The following DIAPH2 variants were observed in gnomAD, a reference collection of about 807,000 sequenced individuals.
The protein encoded by DIAPH2 is diaphanous related formin 2.
In DIAPH2, 35 loss-of-function variants were observed where a neutral mutation model predicts 92.7. The observed-to-expected ratio is 0.38, with a 90% CI of 0.29 to 0.50. The LOEUF is 0.50. DIAPH2 is among the 20% of genes least tolerant of loss of function. The probability of loss-of-function intolerance (pLI) is 0.94; values close to 1 mark genes in which losing one functional copy is unlikely to be tolerated. For synonymous variants in DIAPH2, 301 were observed against 280.4 expected (o/e 1.07, Z -0.73); for missense variants, 701 against 819.5 (o/e 0.86, Z 1.77).
intron 26 of DIAPH2, among the ~76,000 whole-genome samples, chrX:97,516,028 C>T (rs1214148255): frequency 9.1e-6 from 1 of 110,209 alleles, no homozygotes; most frequent in African/African-American, 3.3e-5. Flanking sequence ...CGGAGGCGGG[C>T]GGATCATGAG....
chrX:96,830,319 C>T (rs911693897), intron 4 of DIAPH2, among the ~76,000 whole-genome samples: 6 of 110,539 alleles, frequency 5.4e-5, no homozygotes, highest in Non-Finnish European at 1.1e-4. Flanking sequence ...CGCCTGTAAT[C>T]CCAGCACTTT....
chrX:96,960,167 G>A (rs1250007616), intron 16 of DIAPH2, among the ~76,000 whole-genome samples: 3 of 110,762 alleles, frequency 2.7e-5, no homozygotes, highest in African/African-American at 9.8e-5. Flanking sequence ...ATTTTGATAG[G>A]GATTGCATTG....
chrX:97,165,410 A>G (rs2067404203), intron 22 of DIAPH2, among the ~76,000 whole-genome samples: 1 of 112,103 alleles, frequency 8.9e-6, no homozygotes, highest in Non-Finnish European at 1.9e-5. Flanking sequence ...TCACCTGTGA[A>G]TTATACGCTT....
At chrX:97,419,166 C>A (rs1208189559) in intron 25 of DIAPH2, among the ~76,000 whole-genome samples, 1 of 111,482 alleles carries the variant, frequency 9.0e-6, no homozygotes, top group Non-Finnish European at 1.9e-5. Flanking sequence ...CTCAAGAGAT[C>A]CTCCCACTTT....
At chrX:97,325,840 G>A (rs1170059996) in intron 23 of DIAPH2, among the ~76,000 whole-genome samples, 1 of 112,104 alleles carries the variant, frequency 8.9e-6, no homozygotes, top group Non-Finnish European at 1.9e-5. Context: ...GCCTCCCAAA[G>A]TGCTGGGATT....
intron 22 of DIAPH2, among the ~76,000 whole-genome samples, chrX:97,204,351 G>C (rs1303474841): frequency 9.1e-6 from 1 of 110,122 alleles, no homozygotes; most frequent in African/African-American, 3.4e-5. Context: ...AGAAATAAAG[G>C]GTATTCACAT....
At chrX:97,275,367 G>A (rs1228591529) in intron 23 of DIAPH2, among the ~76,000 whole-genome samples, 2 of 104,276 alleles carry the variant, frequency 1.9e-5, no homozygotes, top group Non-Finnish European at 4.0e-5. Context: ...GGCCGGGCGG[G>A]GGCTGCCCCC....
At chrX:97,116,861 C>G (rs948869589) in intron 21 of DIAPH2, among the ~76,000 whole-genome samples, 1 of 110,933 alleles carries the variant, frequency 9.0e-6, no homozygotes, top group Non-Finnish European at 1.9e-5. Flanking sequence ...TTAATCTCAC[C>G]GAAGGATTTT....
At chrX:97,459,456 A>G (rs1250935767) in intron 26 of DIAPH2, among the ~76,000 whole-genome samples, 1 of 112,218 alleles carries the variant, frequency 8.9e-6, no homozygotes, top group East Asian at 2.8e-4. Context: ...ATGAGTTAAC[A>G]TTGTGTTTAG....
In DIAPH2 at chrX:96,758,026, G is replaced by A. The variant is rs965236008; in HGVS notation, c.343-128G>A. On this transcript the variant is annotated intron_variant, in intron 3 of 26. Transcript: ENST00000324765. ...ATAATAGCGAAGTATCCCAAAAAAG[G>A]ATTTTTGACATTAGTCACCACATGA... 1.5e-5 allele frequency: 8 copies of A among 549,694 alleles called. No individual in the cohort carries two copies. In the African/African-American group the frequency reaches 1.9e-4, roughly 13 times the overall value. The allele number at this position is 549,694 out of a possible 1,213,427, so 45.3% of individuals were successfully genotyped here. A position where few individuals can be genotyped will look rare whatever the true frequency, so the allele number is the denominator to read the frequency against.
chrX:97,576,681 A>G (rs2071401367), intron 26 of DIAPH2, among the ~76,000 whole-genome samples: 3 of 110,959 alleles, frequency 2.7e-5, no homozygotes, highest in Non-Finnish European at 5.7e-5. Context: ...ATAGAATTTC[A>G]CTCTACTTGT....
chrX:97,498,410 C>T (rs1852928976), intron 26 of DIAPH2, among the ~76,000 whole-genome samples: 1 of 111,389 alleles, frequency 9.0e-6, no homozygotes, highest in African/African-American at 3.3e-5. Flanking sequence ...TGGTTCAGAG[C>T]AGAGATTTTC....
At chrX:97,120,201 G>A (rs1321901765) in intron 21 of DIAPH2, among the ~76,000 whole-genome samples, 1 of 110,679 alleles carries the variant, frequency 9.0e-6, no homozygotes, top group Non-Finnish European at 1.9e-5. Context: ...GGGACCCAGC[G>A]AACTCCCAGG....
intron 4 of DIAPH2, among the ~76,000 whole-genome samples, chrX:96,823,152 G>T (rs1361157697): frequency 9.0e-6 from 1 of 111,549 alleles, no homozygotes; most frequent in Non-Finnish European, 1.9e-5. Flanking sequence ...TTGGTTTGTA[G>T]AATAGTACAA....
At chrX:97,060,022 C>T (rs905929692) in intron 17 of DIAPH2, among the ~76,000 whole-genome samples, 1 of 112,411 alleles carries the variant, frequency 8.9e-6, no homozygotes, top group African/African-American at 3.2e-5. Context: ...ATCTTATAAG[C>T]CAGTTTGAAT....
intron 26 of DIAPH2, among the ~76,000 whole-genome samples, chrX:97,482,098 A>G (rs1305766222): frequency 8.9e-6 from 1 of 112,320 alleles, no homozygotes; most frequent in Admixed American, 9.5e-5. Flanking sequence ...TAAAGCACTA[A>G]GTATACTAGA....
intron 22 of DIAPH2, among the ~76,000 whole-genome samples, chrX:97,181,931 A>G (rs1202165139): frequency 8.9e-6 from 1 of 112,465 alleles, no homozygotes; most frequent in African/African-American, 3.2e-5. Flanking sequence ...TAGGATAGTT[A>G]TAGAAAGTTT....
At position 96,915,785 on chromosome X, in the gene DIAPH2, G is replaced by A. The variant is rs779919862; in HGVS notation, c.733-653G>A. Among the ~76,000 whole-genome samples, 16 of 111,621 alleles carry A rather than the reference G, an allele frequency of 1.4e-4. No homozygotes were observed. The South Asian group carries it at 5.2e-3, about 36-fold the overall frequency. ...ATTTATTAAGTGCGTGCATGCACAC[G>A]CATGCACACACATATTCATGCTTAG... On this transcript the variant is annotated intron_variant, in intron 7 of 26. Transcript: ENST00000324765.
intron 25 of DIAPH2, among the ~76,000 whole-genome samples, chrX:97,402,306 A>G (rs1321618781): frequency 9.0e-6 from 1 of 110,886 alleles, no homozygotes; most frequent in Non-Finnish European, 1.9e-5. Context: ...GTCCCTGTAT[A>G]TTAAAATGTA....
Sources: gnomAD v4.1 joint callset for allele counts (sites outside exome capture counted in the v4.1 genomes callset) on GRCh38, gnomAD v4.1.1 for gene constraint, MANE v1.5 for transcripts, NCBI Gene and HGNC (gene_info 2026-07-23, HGNC 2026-07-21) for gene names.